The following LGR4 variants were observed in gnomAD, a reference collection of about 807,000 sequenced individuals.
LGR4 encodes the protein leucine-rich repeat-containing G protein-coupled receptor 4.
In LGR4, 44 loss-of-function variants were observed where a neutral mutation model predicts 84.8. The ratio of observed to expected loss-of-function variants is 0.52; its 90% CI spans 0.41 to 0.67. LGR4 has a LOEUF of 0.67. Among genes scored for constraint, LGR4 ranks in the 30% least tolerant of loss-of-function variants. The pLI, the probability that LGR4 is intolerant of heterozygous loss-of-function variation, is 0.00. For synonymous variants in LGR4, 429 were observed against 434.3 expected (o/e 0.99, Z 0.15); for missense variants, 1,032 against 1,131.4 (o/e 0.91, Z 1.26).
At chr11:27,385,893 A>G (rs543638253) in intron 4 of LGR4, among the ~76,000 whole-genome samples, 1 of 152,182 alleles carries the variant, frequency 6.6e-6, no homozygotes, top group South Asian at 2.1e-4. Flanking sequence ...ATTAGACATT[A>G]AATTTAGTTG....
intron 2 of LGR4, among the ~76,000 whole-genome samples, chr11:27,394,128 T>C (rs985060374): frequency 6.6e-6 from 1 of 152,128 alleles, no homozygotes; most frequent in African/African-American, 2.4e-5. Context: ...CCTCCCACCA[T>C]ACACTTTGTT....
intron 11 of LGR4, among the ~76,000 whole-genome samples, chr11:27,378,448 A>AC (rs1863030740): frequency 6.6e-6 from 1 of 152,210 alleles, no homozygotes; most frequent in Non-Finnish European, 1.5e-5. Context: ...AAATGAAGAA[A>AC]GAACCTATCT....
At chr11:27,370,294 C>A (rs1462782212) in intron 17 of LGR4, among the ~76,000 whole-genome samples, 1 of 152,194 alleles carries the variant, frequency 6.6e-6, no homozygotes, top group African/African-American at 2.4e-5. Context: ...CTTTCTATTC[C>A]CCCTTCAGGA....
chr11:27,467,435 G>T (rs1428251848), intron 1 of LGR4, among the ~76,000 whole-genome samples: 1 of 152,000 alleles, frequency 6.6e-6, no homozygotes, highest in East Asian at 1.9e-4. Flanking sequence ...AGGCATGGTG[G>T]CGGGTGCCTG....
At chr11:27,445,635 T>C (rs573077303) in intron 1 of LGR4, among the ~76,000 whole-genome samples, 3 of 152,218 alleles carry the variant, frequency 2.0e-5, no homozygotes, top group South Asian at 2.1e-4. Context: ...TCCAAGCATT[T>C]TGGGAGGCCG....
chr11:27,425,582 C>T (rs747248719), intron 1 of LGR4, among the ~76,000 whole-genome samples: 1 of 152,076 alleles, frequency 6.6e-6, no homozygotes. Flanking sequence ...CTCAGCCTCC[C>T]AAAGTGCTGG....
chr11:27,452,467 G>A (rs988375949), intron 1 of LGR4, among the ~76,000 whole-genome samples: 1 of 152,152 alleles, frequency 6.6e-6, no homozygotes, highest in East Asian at 1.9e-4. Flanking sequence ...TCATGGTAAG[G>A]AACTGCTCCA....
intron 2 of LGR4, among the ~76,000 whole-genome samples, chr11:27,406,188 C>G (rs1391788722): frequency 1.3e-5 from 2 of 152,140 alleles, no homozygotes; most frequent in Non-Finnish European, 2.9e-5. Context: ...TGCCATCGTT[C>G]CTTCTTGCTA....
chr11:27,376,610 A>G (rs749187967), intron 12 of LGR4, among the ~76,000 whole-genome samples: 1 of 152,188 alleles, frequency 6.6e-6, no homozygotes, highest in Non-Finnish European at 1.5e-5. Flanking sequence ...ACTAATTGGT[A>G]TTTCATCCCA....
At chr11:27,401,424 C>T (rs4469846) in intron 2 of LGR4, among the ~76,000 whole-genome samples, 32,982 of 152,034 alleles carry the variant, frequency 0.22, 3,701 homozygotes, top group South Asian at 0.28. Flanking sequence ...AGTTATACTT[C>T]CTGAGCAAAG....
At chr11:27,395,621 G>A (rs968613853) in intron 2 of LGR4, among the ~76,000 whole-genome samples, 3 of 152,174 alleles carry the variant, frequency 2.0e-5, no homozygotes, top group African/African-American at 7.2e-5. Flanking sequence ...CCAACGATCT[G>A]GAGAAATAAA....
chr11:27,468,939 C>T (rs2133464190), intron 1 of LGR4, among the ~76,000 whole-genome samples: 1 of 152,228 alleles, frequency 6.6e-6, no homozygotes, highest in Middle Eastern at 3.4e-3. Context: ...ATACACATTC[C>T]CCTCCCCATG....
chr11:27,447,527 A>G (rs1393071391), intron 1 of LGR4, among the ~76,000 whole-genome samples: 1 of 152,182 alleles, frequency 6.6e-6, no homozygotes, highest in African/African-American at 2.4e-5. Flanking sequence ...CCTTTCCTGG[A>G]AAACGCATAA....
rs527547164 is a variant in LGR4 at position 27,463,673 on chromosome 11, C to A, written c.185+8445G>T. 4.6e-5 allele frequency among the ~76,000 whole-genome samples: 7 copies of A among 152,146 alleles called. No individual in the cohort carries two copies. The East Asian group carries it at 1.4e-3, about 30-fold the overall frequency. ...CGGTAGCAGGTGCCTGTAATCCCAG[C>A]TACTCGGGAGGCTGAGGCTGAAGAA... On this transcript the variant is annotated intron_variant, in intron 1 of 17. Coordinates refer to ENST00000379214, the MANE Select transcript of LGR4 (RefSeq NM_018490.5).
chr11:27,424,121 GT>G (rs552600137), intron 1 of LGR4, among the ~76,000 whole-genome samples: 238 of 152,240 alleles, frequency 1.6e-3, no homozygotes, highest in African/African-American at 5.6e-3. Flanking sequence ...AGAAACAAAT[GT>G]CTTAGAAAAT....
intron 1 of LGR4, among the ~76,000 whole-genome samples, chr11:27,464,424 C>T (rs1011072459): frequency 6.6e-6 from 1 of 152,180 alleles, no homozygotes; most frequent in African/African-American, 2.4e-5. Context: ...TGCAAACACA[C>T]CTCCCATTCA....
intron 13 of LGR4, among the ~76,000 whole-genome samples, chr11:27,375,824 A>G (rs1462495129): frequency 6.6e-6 from 1 of 152,222 alleles, no homozygotes; most frequent in African/African-American, 2.4e-5. Context: ...AGTTATACAC[A>G]TTACACATTT....
chr11:27,373,767 C>G (rs1862927854), intron 14 of LGR4, 91 bp from the exon 15 acceptor site: 10 of 1,278,316 alleles, frequency 7.8e-6, no homozygotes, highest in Non-Finnish European at 1.1e-5. Flanking sequence ...ATATTAGATC[C>G]CTAAGATGAA....
intron 17 of LGR4, among the ~76,000 whole-genome samples, chr11:27,370,514 A>G (rs1214068513): frequency 6.6e-6 from 1 of 152,180 alleles, no homozygotes; most frequent in Admixed American, 6.5e-5. Flanking sequence ...GTGCTAACAG[A>G]AGGATCCCAG....
Sources: gnomAD v4.1 joint callset for allele counts (sites outside exome capture counted in the v4.1 genomes callset) on GRCh38, gnomAD v4.1.1 for gene constraint, MANE v1.5 for transcripts, NCBI Gene and HGNC (gene_info 2026-07-23, HGNC 2026-07-21) for gene names.